The following HTRA1 variants were observed in gnomAD, a reference collection of about 807,000 sequenced individuals.
HTRA1 encodes the protein serine protease HTRA1.
HTRA1 carries 26 observed loss-of-function variants against 49.7 expected under a neutral mutation model. The observed-to-expected ratio is 0.52, with a 90% CI of 0.38 to 0.73. The LOEUF is 0.73. Among genes scored for constraint, HTRA1 ranks in the 30% least tolerant of loss-of-function variants. The probability of loss-of-function intolerance (pLI) is 0.00; values close to 1 mark genes in which losing one functional copy is unlikely to be tolerated. For missense variants in HTRA1, 561 were observed against 667.2 expected (o/e 0.84, Z 1.75); for synonymous variants, 291 against 286.9 (o/e 1.01, Z -0.14).
At chr10:122,491,765 T>C (rs1168463782) in intron 3 of HTRA1, among the ~76,000 whole-genome samples, 2 of 152,186 alleles carry the variant, frequency 1.3e-5, no homozygotes, top group Non-Finnish European at 2.9e-5. Context: ...CAGCATGCTG[T>C]TTGACATGTG....
intron 1 of HTRA1, among the ~76,000 whole-genome samples, chr10:122,468,596 A>G (rs2097484806): frequency 1.3e-5 from 2 of 152,174 alleles, no homozygotes. Context: ...GGAATTTGCC[A>G]TCTAATATGT....
chr10:122,512,902 C>A (rs1032442515), intron 8 of HTRA1, among the ~76,000 whole-genome samples: 11 of 152,068 alleles, frequency 7.2e-5, no homozygotes, highest in Non-Finnish European at 1.6e-4. Flanking sequence ...CATTCTTATG[C>A]CTTTGTGTCC....
At chr10:122,483,941 A>G (rs2300433) in intron 1 of HTRA1, among the ~76,000 whole-genome samples, 40,120 of 152,200 alleles carry the variant, frequency 0.26, 6,050 homozygotes, top group East Asian at 0.37. Context: ...ACGCAGTCAT[A>G]TATTCGTAGA....
Position 122,473,478 on chromosome 10 carries a change from T to A in HTRA1, c.472+11354T>A, listed in dbSNP as rs569744990. ...TATTTATTCAAATGTTTTGTACTCATAGGCAGAAGTATAACAGGAGCTGCA... is the reference window on the plus strand; with the variant it reads ...TATTTATTCAAATGTTTTGTACTCAAAGGCAGAAGTATAACAGGAGCTGCA... On this transcript the variant is annotated intron_variant, in intron 1 of 8. Transcript: ENST00000368984. Among the ~76,000 whole-genome samples the A allele has an allele frequency of 2.0e-5, 3 of 152,340 alleles. No individual in the cohort carries two copies. The East Asian group carries it at 5.8e-4, about 29-fold the overall frequency.
chr10:122,479,742 G>A (rs1331832486), intron 1 of HTRA1, among the ~76,000 whole-genome samples: 1 of 151,764 alleles, frequency 6.6e-6, no homozygotes, highest in African/African-American at 2.4e-5. Flanking sequence ...GGAGAGTGGA[G>A]GAATCAGTGC....
intron 5 of HTRA1, 137 bp from the exon 6 acceptor site, chr10:122,508,519 C>A (rs1217641236): frequency 9.3e-6 from 7 of 748,744 alleles, no homozygotes; most frequent in Non-Finnish European, 1.7e-5. Flanking sequence ...CCTGCTGCCA[C>A]GGGGATCCCC....
rs1287521208 is a variant in HTRA1 at position 122,496,225 on chromosome 10, G to GTTTTTTTTTTTTTTTTTTT, written c.777+6601_777+6602insTTTTTTTTTTTTTTTTTTT. Among the ~76,000 whole-genome samples, 376 of 80,398 alleles carry GTTTTTTTTTTTTTTTTTTT rather than the reference G, an allele frequency of 4.7e-3. 153 individuals are homozygous for GTTTTTTTTTTTTTTTTTTT. The highest frequency in any genetic ancestry group is 6.0e-3 in the African/African-American group (118 of 19,658). The allele number at this position is 80,398 out of a possible 152,430, so 52.7% of individuals were successfully genotyped here. A position where few individuals can be genotyped will look rare whatever the true frequency, so the allele number is the denominator to read the frequency against. On this transcript the variant is annotated intron_variant, in intron 3 of 8. Coordinates refer to ENST00000368984, the MANE Select transcript of HTRA1 (RefSeq NM_002775.5). The stretch of plus-strand genomic sequence containing the variant: ...CCCTTTCGTTTGCCAGAGATTGTGG[G>GTTTTTTTTTTTTTTTTTTT]TTCTTTTTTTTTTTTTTTTTTTTTT...
chr10:122,494,321 G>A lies in HTRA1; in HGVS notation c.777+4695G>A, dbSNP rs1308613516. Among the ~76,000 whole-genome samples, 1 of 152,056 alleles carries A rather than the reference G, an allele frequency of 6.6e-6. No individual in the cohort carries two copies. The highest frequency in any genetic ancestry group is 1.5e-5 in the Non-Finnish European group (1 of 67,984). The stretch of plus-strand genomic sequence containing the variant: ...GCTGTCTGCCCCGGAGGAAGCAAGG[G>A]CACCCGCCACATGGATGGAATTGAG... On this transcript the variant is annotated intron_variant, in intron 3 of 8. Coordinates refer to ENST00000368984, the MANE Select transcript of HTRA1 (RefSeq NM_002775.5). This position sits in a 1 kb window ranked among gnomAD's most constrained non-coding sequence, Gnocchi z 4.0.
chr10:122,478,392 A>ATTGTT (rs2097489544), intron 1 of HTRA1, among the ~76,000 whole-genome samples: 1 of 119,102 alleles, frequency 8.4e-6, no homozygotes, highest in East Asian at 2.5e-4. Flanking sequence ...AGTTTGACAG[A>ATTGTT]TTTTTTTTTT....
intron 3 of HTRA1, among the ~76,000 whole-genome samples, chr10:122,496,105 C>G (rs903742830): frequency 6.6e-6 from 1 of 151,932 alleles, no homozygotes; most frequent in African/African-American, 2.4e-5. Flanking sequence ...CCTCGAGGAG[C>G]TGAAAGTGGC....
rs902355545 is a variant in HTRA1, at chr10:122,464,494, T to C, written c.472+2370T>C. On this transcript the variant is annotated intron_variant, in intron 1 of 8. Coordinates refer to ENST00000368984, the MANE Select transcript of HTRA1 (RefSeq NM_002775.5). This position sits in a 1 kb window ranked among gnomAD's most constrained non-coding sequence, Gnocchi z 4.8. Reference sequence around the variant, plus strand: ...TGTAGGGTGTCTGACACCGTTTGCATGTTTGTCTGTCTGGCACATCGGAGG... The same window carrying C: ...TGTAGGGTGTCTGACACCGTTTGCACGTTTGTCTGTCTGGCACATCGGAGG... 3.3e-5 allele frequency among the ~76,000 whole-genome samples: 5 copies of C among 152,368 alleles called. No homozygotes were observed. The East Asian group carries it at 5.8e-4, about 18-fold the overall frequency.
At position 122,494,515 on chromosome 10, in the gene HTRA1, G is replaced by A. The variant is rs905195938; in HGVS notation, c.777+4889G>A. On this transcript the variant is annotated intron_variant, in intron 3 of 8. Coordinates refer to ENST00000368984, the MANE Select transcript of HTRA1 (RefSeq NM_002775.5). This position sits in a 1 kb window ranked among gnomAD's most constrained non-coding sequence, Gnocchi z 4.0. The stretch of plus-strand genomic sequence containing the variant: ...CAGCAGGTCTATGGTCTTTGGTAAC[G>A]GAAAGCGCTGGTGAAACAGTGAGCT... Among the ~76,000 whole-genome samples the A allele has an allele frequency of 1.3e-5, 2 of 152,166 alleles. No individual in the cohort carries two copies. The highest frequency in any genetic ancestry group is 2.4e-5 in the African/African-American group (1 of 41,430).
chr10:122,488,806 G>A, intron 1 of HTRA1, 96 bp from the exon 2 acceptor site: 1 of 966,110 alleles, frequency 1.0e-6, no homozygotes, highest in Non-Finnish European at 1.7e-6. Flanking sequence ...AATTCCAAAG[G>A]CTGGGCATGC....
rs1370889085 is a variant in HTRA1, at chr10:122,481,180, C to G, written c.473-7722C>G. 5.3e-5 allele frequency among the ~76,000 whole-genome samples: 8 copies of G among 152,186 alleles called. No individual in the cohort carries two copies. In the East Asian group the frequency reaches 1.5e-3, roughly 29 times the overall value. On this transcript the variant is annotated intron_variant, in intron 1 of 8. Transcript: ENST00000368984. ...ACACTCACTGTCTTCTGTCCAACCT[C>G]TGGCCTGCACCAGGGGAACCAGCAG...
At chr10:122,476,164 T>C (rs1359730682) in intron 1 of HTRA1, among the ~76,000 whole-genome samples, 6 of 152,162 alleles carry the variant, frequency 3.9e-5, no homozygotes, top group Admixed American at 1.3e-4. Context: ...TAGTCCAAGT[T>C]CCCTGGAGGA....
chr10:122,470,802 A>G (rs1259360973), intron 1 of HTRA1, among the ~76,000 whole-genome samples: 1 of 152,134 alleles, frequency 6.6e-6, no homozygotes, highest in Non-Finnish European at 1.5e-5. Context: ...TGATAGAGCC[A>G]ACACCAAGAA....
chr10:122,509,157 G>T (rs1042012620), intron 6 of HTRA1, among the ~76,000 whole-genome samples: 4 of 152,180 alleles, frequency 2.6e-5, no homozygotes, highest in Admixed American at 2.0e-4. Flanking sequence ...TGCCCCATCT[G>T]CTCTAAGTCA....
chr10:122,513,224 T>G (rs1167659588), intron 8 of HTRA1, among the ~76,000 whole-genome samples: 1 of 152,164 alleles, frequency 6.6e-6, no homozygotes, highest in African/African-American at 2.4e-5. Flanking sequence ...GAGCTACAGT[T>G]ATAGTGGCAA....
At chr10:122,492,549 G>A (rs1442943581) in intron 3 of HTRA1, among the ~76,000 whole-genome samples, 2 of 152,072 alleles carry the variant, frequency 1.3e-5, no homozygotes, top group South Asian at 2.1e-4. Flanking sequence ...GGCCAGGCTG[G>A]TCTCAAACTC....
Sources: gnomAD v4.1 joint callset for allele counts (sites outside exome capture counted in the v4.1 genomes callset) on GRCh38, gnomAD v4.1.1 for gene constraint, Gnocchi (gnomAD v3.1) non-coding constraint, MANE v1.5 for transcripts, NCBI Gene and HGNC (gene_info 2026-07-23, HGNC 2026-07-21) for gene names.